Variants in CDH12 observed in about 807,000 individuals in gnomAD.
The protein encoded by CDH12 is cadherin 12, also known as cadherin-12.
A neutral mutation model predicts 74.1 loss-of-function variants in CDH12; 41 were observed. That is an observed-to-expected ratio of 0.55 (90% CI 0.43 to 0.72). CDH12 has a LOEUF of 0.72. Ranked by LOEUF, CDH12 falls within the 30% of genes least tolerant of loss-of-function variation. The pLI is 0.00. For missense variants in CDH12, 945 were observed against 977.2 expected, an observed-to-expected ratio of 0.97 and a Z score of 0.44; for synonymous variants, 399 against 355.0, an observed-to-expected ratio of 1.12 and a Z score of -1.39.
At chr5:22,209,829 G>C (rs1383389270) in intron 4 of CDH12, among the ~76,000 whole-genome samples, 3 of 152,106 alleles carry the variant, frequency 2.0e-5, no homozygotes, top group Admixed American at 6.6e-5. Flanking sequence ...ATATTCATGA[G>C]TATCATGTCA....
chr5:22,701,395 C>T (rs1004427764), intron 1 of CDH12, among the ~76,000 whole-genome samples: 6 of 151,920 alleles, frequency 3.9e-5, no homozygotes, highest in Admixed American at 2.0e-4. Context: ...ATCATTGAAT[C>T]CCTATTCTAC....
At position 22,684,934 on chromosome 5, in the gene CDH12, T is replaced by C. The variant is rs117554768; in HGVS notation, c.-523+168124A>G. On this transcript the variant is annotated intron_variant, in intron 1 of 14. Coordinates refer to ENST00000382254, the MANE Select transcript of CDH12 (RefSeq NM_004061.5). The stretch of plus-strand genomic sequence containing the variant: ...ACATGACACATGAGTTTTGTTGTTG[T>C]TGTTTTTTTCCTCCAATAGGCTCAG... Among the ~76,000 whole-genome samples the C allele has an allele frequency of 2.0e-3, 299 of 152,266 alleles. No homozygotes were observed. In the East Asian group the frequency reaches 0.025, roughly 13 times the overall value.
intron 1 of CDH12, among the ~76,000 whole-genome samples, chr5:22,522,751 T>C: frequency 6.6e-6 from 1 of 152,212 alleles, no homozygotes. Flanking sequence ...CCTTCCTGAA[T>C]CTATTCTTTC....
rs142854782 is a variant in CDH12, at chr5:22,413,820, T to G, written c.-427-8469A>C. ...AATTTGTTAATTTTTCTCAGAGTTT[T>G]TAATAACTTAATGTCACTATTTTGG... On this transcript the variant is annotated intron_variant, in intron 2 of 14. Transcript: ENST00000382254. 8.4e-3 allele frequency among the ~76,000 whole-genome samples: 1,275 copies of G among 152,174 alleles called. 8 individuals carry two copies. The highest frequency in any genetic ancestry group is 0.017 in the Middle Eastern group (5 of 294).
intron 2 of CDH12, among the ~76,000 whole-genome samples, chr5:22,490,044 C>T (rs567596405): frequency 6.6e-6 from 1 of 152,070 alleles, no homozygotes; most frequent in African/African-American, 2.4e-5. Context: ...AGTTTGCCTA[C>T]TGAGGAAGAT....
chr5:22,326,210 G>GT (rs1739089791), intron 3 of CDH12, among the ~76,000 whole-genome samples: 1 of 148,968 alleles, frequency 6.7e-6, no homozygotes, highest in Non-Finnish European at 1.5e-5. Context: ...CAGCAGGACT[G>GT]TAATTTCCCA....
At chr5:21,945,779 G>A (rs1213384366) in intron 6 of CDH12, among the ~76,000 whole-genome samples, 1 of 151,810 alleles carries the variant, frequency 6.6e-6, no homozygotes, top group African/African-American at 2.4e-5. Context: ...AGCATTTCAG[G>A]AAACTTTAGA....
At chr5:22,275,983 T>C (rs1272524130) in intron 3 of CDH12, among the ~76,000 whole-genome samples, 1 of 152,210 alleles carries the variant, frequency 6.6e-6, no homozygotes, top group Non-Finnish European at 1.5e-5. Context: ...GGGTTTTTTT[T>C]TCAGATCTTT....
At chr5:22,653,988 C>CCCTT (rs1023647653) in intron 1 of CDH12, among the ~76,000 whole-genome samples, 34 of 150,812 alleles carry the variant, frequency 2.3e-4, no homozygotes, top group Non-Finnish European at 3.5e-4. Context: ...ATAAATATTT[C>CCCTT]CCTTCCTTCC....
At chr5:22,275,787 A>G (rs1389939391) in intron 3 of CDH12, among the ~76,000 whole-genome samples, 1 of 152,198 alleles carries the variant, frequency 6.6e-6, no homozygotes, top group Non-Finnish European at 1.5e-5. Flanking sequence ...TTCCTGGGGC[A>G]GTAGATGAAG....
At chr5:22,317,998 C>T (rs1186320288) in intron 3 of CDH12, among the ~76,000 whole-genome samples, 2 of 152,212 alleles carry the variant, frequency 1.3e-5, no homozygotes, top group East Asian at 1.9e-4. Context: ...CCTGTCCTCA[C>T]AAGTTTTTCT....
chr5:22,745,230 A>T (rs747591800), intron 1 of CDH12, among the ~76,000 whole-genome samples: 12 of 152,090 alleles, frequency 7.9e-5, no homozygotes, highest in East Asian at 1.9e-4. Flanking sequence ...TAAGTTTTCA[A>T]TCAAAGAGTT....
Position 22,305,281 on chromosome 5 carries a change from G to A in CDH12, c.-332-92638C>T, listed in dbSNP as rs1051937081. On this transcript the variant is annotated intron_variant, in intron 3 of 14. Transcript: ENST00000382254. ...ACAGTATGCTCCAACTGAATACATT[G>A]CTTTTTAACACTGTCCTCTTTGCTG... 4.0e-4 allele frequency among the ~76,000 whole-genome samples: 61 copies of A among 152,184 alleles called. 1 individual carries two copies. The highest frequency in any genetic ancestry group is 1.4e-3 in the African/African-American group (57 of 41,516).
chr5:22,829,790 A>G (rs1259905177), intron 1 of CDH12, among the ~76,000 whole-genome samples: 1 of 152,210 alleles, frequency 6.6e-6, no homozygotes, highest in Non-Finnish European at 1.5e-5. Context: ...AAAGTTGTCC[A>G]GCAAAGGCTA....
intron 1 of CDH12, among the ~76,000 whole-genome samples, chr5:22,846,162 T>G (rs768471295): frequency 2.0e-4 from 30 of 152,244 alleles, no homozygotes; most frequent in Middle Eastern, 6.8e-3. Flanking sequence ...TGTTATTTAC[T>G]GAGATAAAGA....
chr5:22,143,762 T>C (rs1746970447), intron 4 of CDH12: 1 of 152,202 alleles, frequency 6.6e-6, no homozygotes, highest in Non-Finnish European at 1.5e-5. Context: ...AAAAAAATCT[T>C]TCAGATAAGA....
At chr5:21,876,443 G>A (rs1056588336) in intron 6 of CDH12, among the ~76,000 whole-genome samples, 4 of 152,056 alleles carry the variant, frequency 2.6e-5, no homozygotes, top group African/African-American at 9.7e-5. Context: ...ATACTTTCCG[G>A]TTGCTTCAAT....
At chr5:22,518,659 T>A (rs1327274669) in intron 1 of CDH12, among the ~76,000 whole-genome samples, 1 of 152,194 alleles carries the variant, frequency 6.6e-6, no homozygotes, top group South Asian at 2.1e-4. Context: ...AGCCTTGAAT[T>A]CTTAGCATGT....
intron 1 of CDH12, among the ~76,000 whole-genome samples, chr5:22,595,958 A>C (rs1394815709): frequency 6.6e-6 from 1 of 151,024 alleles, no homozygotes; most frequent in Non-Finnish European, 1.5e-5. Context: ...AATTAAAAAA[A>C]TTAGCCTGGC....
Sources: gnomAD v4.1 joint callset for allele counts (sites outside exome capture counted in the v4.1 genomes callset) on GRCh38, gnomAD v4.1.1 for gene constraint, MANE v1.5 for transcripts, NCBI Gene and HGNC (gene_info 2026-07-23, HGNC 2026-07-21) for gene names.